GGT1: variants seen among roughly 807,000 people sequenced by gnomAD.
The protein encoded by GGT1 is glutathione hydrolase 1 proenzyme.
A neutral mutation model predicts 56.0 loss-of-function variants in GGT1; 21 were observed. That is an observed-to-expected ratio of 0.38 (90% CI 0.27 to 0.54). The LOEUF (loss-of-function observed/expected upper bound fraction) is 0.54, where lower values mean the gene tolerates loss of function less well. GGT1 is among the 20% of genes least tolerant of loss of function. The pLI is 0.82. For missense variants in GGT1, 466 were observed against 787.0 expected, an observed-to-expected ratio of 0.59 and a Z score of 4.88; for synonymous variants, 238 against 342.6, an observed-to-expected ratio of 0.69 and a Z score of 3.37.
chr22:24,586,260 G>A, the GGT1 span: 1 of 1,613,860 alleles, frequency 6.2e-7, no homozygotes, highest in South Asian at 1.1e-5. Context: ...TCATCACTCA[G>A]CCCCGTGAAG....
upstream of GGT1, among the ~76,000 whole-genome samples, chr22:24,598,445 C>CAAAA (rs1186508492): frequency 6.6e-5 from 5 of 75,976 alleles, no homozygotes; most frequent in African/African-American, 1.8e-4. Context: ...GACTCCGTCT[C>CAAAA]AAAAAAAAAA....
intron 11 of GGT1, 149 bp from the exon 12 acceptor site, chr22:24,627,283 T>C: frequency 7.5e-7 from 1 of 1,335,096 alleles, no homozygotes; most frequent in East Asian, 2.5e-5. Flanking sequence ...TGCAAGGTCC[T>C]GGGCCTGCCC....
chr22:24,605,746 G>T (rs1293643482), intron 1 of GGT1, among the ~76,000 whole-genome samples: 1 of 71,058 alleles, frequency 1.4e-5, no homozygotes, highest in Non-Finnish European at 2.2e-5. Flanking sequence ...TATATAATGT[G>T]TATTATATAT....
intron 1 of GGT1, among the ~76,000 whole-genome samples, chr22:24,596,869 C>T (rs113175215): frequency 1.3e-4 from 16 of 121,156 alleles, no homozygotes; most frequent in African/African-American, 5.1e-4. Flanking sequence ...GCTGAGATTG[C>T]GTGGTGACTT....
chr22:24,592,939 C>T (rs966165440), upstream of GGT1: 20 of 1,232,640 alleles, frequency 1.6e-5, no homozygotes, highest in East Asian at 2.0e-4. Context: ...CTCGCGGAGC[C>T]ACCGCACCCG....
chr22:24,626,340 C>T lies in GGT1; in HGVS notation c.1021-1092C>T, dbSNP rs567235319. 4.2e-4 allele frequency among the ~76,000 whole-genome samples: 26 copies of T among 61,806 alleles called. No homozygotes were observed. In the South Asian group the frequency reaches 4.4e-3, roughly 10 times the overall value. The allele number at this position is 61,806 out of a possible 152,430, so 40.5% of individuals were successfully genotyped here. ...TGAAACTCCCTTGAGGCATTTTCTT[C>T]GGCCTTCGGGTCCATCCTCTGTCTC... On this transcript the variant is annotated intron_variant, in intron 11 of 15. Transcript: ENST00000400382.
At chr22:24,600,459 G>C (rs1163337694), upstream of GGT1, among the ~76,000 whole-genome samples, 1 of 152,248 alleles carries the variant, frequency 6.6e-6, no homozygotes, top group East Asian at 1.9e-4. Context: ...CAAGTGCCAG[G>C]CCAGCCCTGC....
upstream of GGT1, chr22:24,592,892 C>A (rs1219162196): frequency 3.9e-6 from 5 of 1,279,876 alleles, no homozygotes; most frequent in African/African-American, 4.7e-5. Context: ...AGCTGCCGGG[C>A]GCGCTCCGGC....
At chr22:24,626,260 G>A (rs1461999796) in intron 11 of GGT1, among the ~76,000 whole-genome samples, 2 of 147,328 alleles carry the variant, frequency 1.4e-5, no homozygotes, top group African/African-American at 2.6e-5. Context: ...TGGGATTACA[G>A]GCCTCGGCCT....
At chr22:24,621,111 A>G in intron 9 of GGT1, 41 bp downstream of exon 9, 7 of 1,549,120 alleles carry the variant, frequency 4.5e-6, no homozygotes, top group Non-Finnish European at 6.1e-6. Context: ...GGAACTCTGC[A>G]GTGGAAACCC....
chr22:24,611,772 T>TG (rs2046713880), intron 5 of GGT1, among the ~76,000 whole-genome samples: 2 of 134,918 alleles, frequency 1.5e-5, no homozygotes, highest in South Asian at 2.5e-4. Context: ...GCCCAACAAA[T>TG]TTGTGTGTGT....
upstream of GGT1, chr22:24,592,917 C>G: frequency 1.6e-6 from 2 of 1,271,864 alleles, no homozygotes; most frequent in Non-Finnish European, 2.0e-6. Context: ...GCTCGCGGAG[C>G]GTGGACTGGA....
At chr22:24,612,888 C>T (rs1430310186) in intron 5 of GGT1, among the ~76,000 whole-genome samples, 3 of 151,772 alleles carry the variant, frequency 2.0e-5, no homozygotes, top group Non-Finnish European at 4.4e-5. Flanking sequence ...TATAGGGGAG[C>T]GATCATAGCC....
chr22:24,588,668 C>T, the GGT1 span: 46 of 1,117,052 alleles, frequency 4.1e-5, no homozygotes, highest in Middle Eastern at 8.4e-4. Flanking sequence ...CAGCACCCTT[C>T]GGGGACTTGC....
Position 24,605,317 on chromosome 22 carries a change from T to C in GGT1, c.-429+1790T>C, listed in dbSNP as rs867801419. On this transcript the variant is annotated intron_variant, in intron 1 of 15. Transcript: ENST00000400382. Reference sequence around the variant, plus strand: ...AATATGTATTATATATTATATAATATGTATTATATATTATATAATATGTAT... The same window carrying C: ...AATATGTATTATATATTATATAATACGTATTATATATTATATAATATGTAT... 7.8e-3 allele frequency among the ~76,000 whole-genome samples: 347 copies of C among 44,350 alleles called. 31 individuals carry two copies. The highest frequency in any genetic ancestry group is 0.029 in the Middle Eastern group (1 of 34). 29.1% of individuals were successfully genotyped at this position (44,350 alleles called of 152,430 possible).
chr22:24,593,853 G>A (rs976084620), upstream of GGT1, among the ~76,000 whole-genome samples: 19 of 152,024 alleles, frequency 1.2e-4, no homozygotes, highest in African/African-American at 4.3e-4. Context: ...ACCTGCTCAC[G>A]CTACATGGAC....
At chr22:24,598,745 GTC>G (rs2045735786), upstream of GGT1, among the ~76,000 whole-genome samples, 1 of 152,228 alleles carries the variant, frequency 6.6e-6, no homozygotes, top group East Asian at 1.9e-4. Flanking sequence ...TAGAGATGGG[GTC>G]TCTCTATTTT....
intron 4 of GGT1, 148 bp downstream of exon 4, chr22:24,610,679 A>G (rs1569053865): frequency 4.4e-6 from 1 of 225,482 alleles, no homozygotes; most frequent in Non-Finnish European, 8.9e-6. Flanking sequence ...GGGACACAGG[A>G]GAAACCAGGC....
intron 1 of GGT1, among the ~76,000 whole-genome samples, chr22:24,606,185 C>T (rs1165804137): frequency 7.6e-5 from 11 of 143,988 alleles, no homozygotes; most frequent in African/African-American, 2.3e-4. Flanking sequence ...ATGTGCACAA[C>T]GTACAGGTTT....
Sources: allele counts gnomAD v4.1 joint callset (sites outside exome capture counted in the v4.1 genomes callset), GRCh38; gene constraint gnomAD v4.1.1; transcripts MANE v1.5; gene names NCBI Gene and HGNC (gene_info 2026-07-23, HGNC 2026-07-21).